UBE4B: variants seen among roughly 807,000 people sequenced by gnomAD.
The protein encoded by UBE4B is ubiquitin conjugation factor E4 B.
In UBE4B, 27 loss-of-function variants were observed where a neutral mutation model predicts 148.1. The ratio of observed to expected loss-of-function variants is 0.18; its 90% CI spans 0.13 to 0.25. UBE4B has a LOEUF of 0.25. Among genes scored for constraint, UBE4B ranks in the 10% least tolerant of loss-of-function variants. The probability of loss-of-function intolerance (pLI) is 1.00; values close to 1 mark genes in which losing one functional copy is unlikely to be tolerated. For missense variants in UBE4B, 1,170 were observed against 1,662.4 expected (o/e 0.70, Z 5.15); for synonymous variants, 596 against 619.3 (o/e 0.96, Z 0.56).
chr1:10,079,698 T>C (rs1163526666), intron 2 of UBE4B, among the ~76,000 whole-genome samples: 1 of 152,192 alleles, frequency 6.6e-6, no homozygotes, highest in African/African-American at 2.4e-5. Flanking sequence ...TGGGGCCTCT[T>C]TGGAACTAGT....
rs371640310 is a variant in UBE4B, at chr1:10,126,776, T to G, written c.1555-18T>G. 69 of 1,600,488 alleles carry G rather than the reference T, an allele frequency of 4.3e-5. 1 individual carries two copies. The African/African-American group carries it at 8.6e-4, about 20-fold the overall frequency. The stretch of plus-strand genomic sequence containing the variant: ...TTCTCTTAAACTTATATTTCTGATT[T>G]TGTTTTTTTTCTTATAGATATTTAT... On this transcript the variant is annotated intron_variant, in intron 10 of 27. Transcript: ENST00000343090.
intron 19 of UBE4B, among the ~76,000 whole-genome samples, chr1:10,148,971 A>G (rs920031462): frequency 2.0e-5 from 3 of 152,156 alleles, no homozygotes; most frequent in African/African-American, 7.2e-5. Context: ...AAGAAAAGGA[A>G]AACATTTCAC....
At chr1:10,113,096 C>A (rs1645248183) in intron 7 of UBE4B, among the ~76,000 whole-genome samples, 1 of 152,110 alleles carries the variant, frequency 6.6e-6, no homozygotes, top group African/African-American at 2.4e-5. Context: ...TCAGGCTGTT[C>A]AAGAAGCATG....
chr1:10,125,530 T>A (rs1400926260), intron 10 of UBE4B, among the ~76,000 whole-genome samples: 1 of 152,226 alleles, frequency 6.6e-6, no homozygotes, highest in Non-Finnish European at 1.5e-5. Context: ...CTCTTTAAAT[T>A]ATTAAGGTGC....
At chr1:10,139,146 A>G (rs890839741) in intron 17 of UBE4B, among the ~76,000 whole-genome samples, 9 of 152,240 alleles carry the variant, frequency 5.9e-5, no homozygotes, top group Admixed American at 1.3e-4. Flanking sequence ...CTGTAATCCC[A>G]ACACTTTGGG....
In UBE4B at chr1:10,092,872, C is replaced by A. The variant is rs115148899; in HGVS notation, c.212-2589C>A. Among the ~76,000 whole-genome samples, 1,497 of 151,812 alleles carry A rather than the reference C, an allele frequency of 9.9e-3. 27 individuals are homozygous for A. The highest frequency in any genetic ancestry group is 0.034 in the African/African-American group (1,407 of 41,428). On this transcript the variant is annotated intron_variant, in intron 2 of 27. Transcript: ENST00000343090. Reference sequence around the variant, plus strand: ...AGAAAAGAAAAGAAGGAATGGAGTCCCCTGGTGTTTAGAGATTGAGGAGCA... The same window carrying A: ...AGAAAAGAAAAGAAGGAATGGAGTCACCTGGTGTTTAGAGATTGAGGAGCA...
At chr1:10,052,894 T>C (rs1644079576) in intron 1 of UBE4B, among the ~76,000 whole-genome samples, 1 of 152,196 alleles carries the variant, frequency 6.6e-6, no homozygotes, top group Admixed American at 6.5e-5. Context: ...AGAGATTTAG[T>C]TTCTTGAGAG....
At position 10,179,931 on chromosome 1, in the gene UBE4B, G is replaced by C. The variant is rs1407219381; in HGVS notation, c.3884G>C (p.Arg1295Thr). ...ELKEQIQAWMREKQNSDH is the reference protein window; with the variant it reads ...ELKEQIQAWMTEKQNSDH The stretch of plus-strand genomic sequence containing the variant: ...AAAGAGCAGATTCAGGCGTGGATGA[G>C]AGAGAAACAGAACAGCGATCACTAA... The change falls in exon 28 of 28, where the codon AGA (arginine) becomes ACA (threonine). Residue 1295 changes from arginine to threonine, a missense_variant. Arg to Thr is a moderately conservative substitution (Grantham distance 71). This residue lies in a region of UBE4B where 348 missense variants were observed against 627.2 expected (regional missense o/e 0.55). Transcript: ENST00000343090. The C allele has an allele frequency of 6.2e-7, 1 of 1,614,120 alleles. No individual in the cohort carries two copies.
At chr1:10,170,146 A>C (rs1022661984) in intron 24 of UBE4B, among the ~76,000 whole-genome samples, 8 of 152,128 alleles carry the variant, frequency 5.3e-5, no homozygotes, top group African/African-American at 1.9e-4. Flanking sequence ...ACTATTTACT[A>C]TCTGGCCTTT....
chr1:10,125,270 G>A (rs1355221900), intron 10 of UBE4B, among the ~76,000 whole-genome samples: 2 of 152,212 alleles, frequency 1.3e-5, no homozygotes, highest in Non-Finnish European at 2.9e-5. Flanking sequence ...AGGACAACCA[G>A]TTATGAACTA....
At chr1:10,075,007 T>G (rs747662699) in intron 2 of UBE4B, among the ~76,000 whole-genome samples, 3 of 152,224 alleles carry the variant, frequency 2.0e-5, no homozygotes, top group Non-Finnish European at 4.4e-5. Flanking sequence ...GCTTTGCTGT[T>G]GCCTCACATT....
chr1:10,151,255 G>C, intron 20 of UBE4B, 71 bp from the exon 21 acceptor site: 4 of 1,436,400 alleles, frequency 2.8e-6, no homozygotes, highest in Non-Finnish European at 3.9e-6. Flanking sequence ...ACTGACACCA[G>C]CCTTCACCCA....
intron 1 of UBE4B, among the ~76,000 whole-genome samples, chr1:10,061,588 T>C (rs1359279613): frequency 6.6e-6 from 1 of 152,138 alleles, no homozygotes; most frequent in African/African-American, 2.4e-5. Flanking sequence ...TGAAGGGCAT[T>C]GCCTGGGAGA....
At chr1:10,098,824 T>C (rs1018847457) in intron 3 of UBE4B, among the ~76,000 whole-genome samples, 27 of 152,234 alleles carry the variant, frequency 1.8e-4, no homozygotes, top group Admixed American at 1.4e-3. Context: ...GTTAGCATCA[T>C]TTTCTGTAAA....
chr1:10,065,221 G>A (rs749930786), intron 1 of UBE4B, among the ~76,000 whole-genome samples: 11 of 152,102 alleles, frequency 7.2e-5, no homozygotes, highest in Non-Finnish European at 1.6e-4. Flanking sequence ...AAAGTATGGA[G>A]AACCACTAAA....
chr1:10,098,292 T>C (rs542818432), intron 3 of UBE4B, among the ~76,000 whole-genome samples: 88 of 152,352 alleles, frequency 5.8e-4, no homozygotes, highest in Non-Finnish European at 1.1e-3. Flanking sequence ...CCATATTGCA[T>C]GTTAAAAAGA....
intron 1 of UBE4B, among the ~76,000 whole-genome samples, chr1:10,035,094 G>A (rs1361821686): frequency 2.6e-5 from 4 of 151,884 alleles, no homozygotes; most frequent in African/African-American, 9.7e-5. Flanking sequence ...CGCCTCCCGG[G>A]TTCACACCAT....
chr1:10,114,795 C>T (rs921104922), intron 7 of UBE4B, among the ~76,000 whole-genome samples: 8 of 152,100 alleles, frequency 5.3e-5, no homozygotes, highest in South Asian at 4.1e-4. Flanking sequence ...ACCCAGAAGG[C>T]GGAGTTTGCA....
chr1:10,163,720 G>A (rs1646203968), intron 23 of UBE4B, among the ~76,000 whole-genome samples: 1 of 150,138 alleles, frequency 6.7e-6, no homozygotes. Flanking sequence ...TTCCCAAGCT[G>A]GTCTTATATT....
Sources: gnomAD v4.1 joint callset for allele counts (sites outside exome capture counted in the v4.1 genomes callset) on GRCh38, gnomAD v4.1.1 for gene constraint, gnomAD v4.1.1 regional missense constraint, MANE v1.5 for transcripts, NCBI Gene and HGNC (gene_info 2026-07-23, HGNC 2026-07-21) for gene names.